Variants in UST observed in about 807,000 individuals in gnomAD.
The protein encoded by UST is chondroitin sulfate 2-O-sulfotransferase.
A neutral mutation model predicts 45.6 loss-of-function variants in UST; 21 were observed. The observed-to-expected ratio is 0.46, with a 90% CI of 0.33 to 0.66. The LOEUF (loss-of-function observed/expected upper bound fraction) is 0.66. Among genes scored for constraint, UST ranks in the 30% least tolerant of loss-of-function variants. The pLI is 0.02. For synonymous variants in UST, 215 were observed against 200.6 expected (o/e 1.07, Z -0.61); for missense variants, 463 against 512.4 (o/e 0.90, Z 0.93).
At position 149,011,091 on chromosome 6, in the gene UST, C is replaced by T. The variant is rs186122366; in HGVS notation, c.682-8048C>T. ...GCGCTCCCAATGAGTTAAGGATATT[C>T]GCTAAAATAAATGTAGATATGCCGC... On this transcript the variant is annotated intron_variant, in intron 5 of 7. Coordinates refer to ENST00000367463, the MANE Select transcript of UST (RefSeq NM_005715.3). 2.0e-5 allele frequency among the ~76,000 whole-genome samples: 3 copies of T among 152,058 alleles called. No individual in the cohort carries two copies. In the East Asian group the frequency reaches 5.8e-4, roughly 29 times the overall value.
intron 5 of UST, among the ~76,000 whole-genome samples, chr6:148,991,682 A>G (rs1260395414): frequency 3.9e-5 from 6 of 152,112 alleles, no homozygotes; most frequent in Non-Finnish European, 2.9e-5. Context: ...CATGGTAGAT[A>G]TTAGACCCAT....
intron 1 of UST, among the ~76,000 whole-genome samples, chr6:148,837,878 T>G (rs1160991588): frequency 6.6e-6 from 1 of 152,148 alleles, no homozygotes; most frequent in African/African-American, 2.4e-5. Context: ...AAATTTTGTA[T>G]TTTTTGTAGA....
At chr6:148,860,213 C>G (rs1015044276) in intron 1 of UST, among the ~76,000 whole-genome samples, 2 of 152,180 alleles carry the variant, frequency 1.3e-5, no homozygotes, top group Non-Finnish European at 2.9e-5. Context: ...TCCTTCACAT[C>G]ACTTGTACGT....
At chr6:149,010,714 G>A (rs140125949) in intron 5 of UST, among the ~76,000 whole-genome samples, 3 of 151,930 alleles carry the variant, frequency 2.0e-5, no homozygotes, top group African/African-American at 7.2e-5. Flanking sequence ...CCAACATGGT[G>A]AAAACCTATC....
At position 148,939,850 on chromosome 6, in the gene UST, G is replaced by C. The variant is rs1341262003; in HGVS notation, c.292-1429G>C. Among the ~76,000 whole-genome samples, 4 of 152,172 alleles carry C rather than the reference G, an allele frequency of 2.6e-5. No homozygotes were observed. The East Asian group carries it at 7.7e-4, about 29-fold the overall frequency. Reference sequence around the variant, plus strand: ...TGACACCAAAACCAAAACAACCAGAGAAAATTTAGATAAATTGGACTCAGT... The same window carrying C: ...TGACACCAAAACCAAAACAACCAGACAAAATTTAGATAAATTGGACTCAGT... On this transcript the variant is annotated intron_variant, in intron 2 of 7. Transcript: ENST00000367463.
At chr6:148,909,735 A>G (rs1779437899) in intron 2 of UST, among the ~76,000 whole-genome samples, 1 of 152,186 alleles carries the variant, frequency 6.6e-6, no homozygotes, top group Admixed American at 6.5e-5. Flanking sequence ...CTTCTAAGTG[A>G]TTACTTTGCT....
intron 1 of UST, among the ~76,000 whole-genome samples, chr6:148,860,867 G>A (rs1329046640): frequency 1.3e-5 from 2 of 152,170 alleles, no homozygotes; most frequent in Non-Finnish European, 2.9e-5. Context: ...TAGTGGATAA[G>A]CTTTTTGAGG....
At chr6:148,840,007 G>GA (rs921399769) in intron 1 of UST, among the ~76,000 whole-genome samples, 2 of 152,136 alleles carry the variant, frequency 1.3e-5, no homozygotes, top group Admixed American at 1.3e-4. Flanking sequence ...ACTTTGCTAG[G>GA]TATTGAAGGG....
intron 7 of UST, among the ~76,000 whole-genome samples, chr6:149,050,763 A>G (rs1218122422): frequency 6.6e-6 from 1 of 152,256 alleles, no homozygotes; most frequent in Non-Finnish European, 1.5e-5. Context: ...GAGTTTTTAG[A>G]AAATAAATCA....
intron 1 of UST, among the ~76,000 whole-genome samples, chr6:148,863,891 G>A (rs1015978899): frequency 8.5e-5 from 13 of 152,192 alleles, no homozygotes; most frequent in South Asian, 2.1e-4. Flanking sequence ...GTACCCGGCC[G>A]TATGAGGTGT....
intron 1 of UST, among the ~76,000 whole-genome samples, chr6:148,842,630 T>TACC (rs1229978093): frequency 6.6e-6 from 1 of 152,208 alleles, no homozygotes; most frequent in Non-Finnish European, 1.5e-5. Flanking sequence ...CCTCTGTGGT[T>TACC]ATCCCAGCAA....
At chr6:148,872,061 A>G (rs543776024) in intron 1 of UST, among the ~76,000 whole-genome samples, 3 of 152,294 alleles carry the variant, frequency 2.0e-5, no homozygotes, top group African/African-American at 7.2e-5. Flanking sequence ...GTGTGTGTGC[A>G]TGCACGTGCA....
chr6:149,016,376 T>G (rs77982599), intron 5 of UST, among the ~76,000 whole-genome samples: 1 of 152,348 alleles, frequency 6.6e-6, no homozygotes, highest in South Asian at 2.1e-4. Context: ...TCTACTCCTA[T>G]GAGCCCGGGG....
intron 1 of UST, among the ~76,000 whole-genome samples, chr6:148,772,675 C>T (rs528993112): frequency 3.9e-5 from 6 of 152,068 alleles, no homozygotes; most frequent in South Asian, 2.1e-4. Flanking sequence ...CCTCCCACCT[C>T]GGCCTCCCAA....
At position 148,904,866 on chromosome 6, in the gene UST, C is replaced by T. The variant is rs1011082145; in HGVS notation, c.291+17837C>T. On this transcript the variant is annotated intron_variant, in intron 2 of 7. Coordinates refer to ENST00000367463, the MANE Select transcript of UST (RefSeq NM_005715.3). Reference sequence around the variant, plus strand: ...GTCTCCAAAGCATTCACTGGGTGCTCCTGCTCAGATTCCCCATCTTGTAAG... The same window carrying T: ...GTCTCCAAAGCATTCACTGGGTGCTTCTGCTCAGATTCCCCATCTTGTAAG... Among the ~76,000 whole-genome samples, 4 of 152,244 alleles carry T rather than the reference C, an allele frequency of 2.6e-5. No homozygotes were observed. In the Middle Eastern group the frequency reaches 0.014, roughly 518 times the overall value.
chr6:148,878,899 C>T (rs1040511571), intron 1 of UST, among the ~76,000 whole-genome samples: 1 of 151,752 alleles, frequency 6.6e-6, no homozygotes, highest in African/African-American at 2.4e-5. Flanking sequence ...CAGAATATCC[C>T]CTGGTGGTTT....
At chr6:148,780,375 C>T (rs1776620989) in intron 1 of UST, among the ~76,000 whole-genome samples, 1 of 152,028 alleles carries the variant, frequency 6.6e-6, no homozygotes, top group Non-Finnish European at 1.5e-5. Flanking sequence ...CAGATTATTT[C>T]ATCACCCAGG....
intron 5 of UST, among the ~76,000 whole-genome samples, chr6:149,010,121 T>A (rs916704840): frequency 6.6e-6 from 1 of 152,166 alleles, no homozygotes; most frequent in Non-Finnish European, 1.5e-5. Context: ...TGTAAACATT[T>A]TAAATGACTG....
intron 1 of UST, among the ~76,000 whole-genome samples, chr6:148,766,217 G>A (rs1230286186): frequency 7.9e-5 from 12 of 152,000 alleles, no homozygotes; most frequent in Non-Finnish European, 7.4e-5. Context: ...CTGTCACCTT[G>A]TCAGAATGAT....
Sources: allele counts gnomAD v4.1 joint callset (sites outside exome capture counted in the v4.1 genomes callset), GRCh38; gene constraint gnomAD v4.1.1; transcripts MANE v1.5; gene names NCBI Gene and HGNC (gene_info 2026-07-23, HGNC 2026-07-21).